NLRP5: variants seen among roughly 807,000 people sequenced by gnomAD.
The protein encoded by NLRP5 is NACHT, LRR and PYD domains-containing protein 5.
NLRP5 carries 93 observed loss-of-function variants against 113.1 expected under a neutral mutation model. The observed-to-expected ratio is 0.82, with a 90% CI of 0.70 to 0.98. NLRP5 has a LOEUF of 0.98. NLRP5 is among the 50% of genes least tolerant of loss of function. NLRP5 has a pLI of 0.00. For missense variants in NLRP5, 1,808 were observed against 1,514.3 expected (o/e 1.19, Z -3.22); for synonymous variants, 751 against 600.7 (o/e 1.25, Z -3.66).
At chr19:56,034,719 C>T (rs1482738717) in intron 9 of NLRP5, among the ~76,000 whole-genome samples, 2 of 152,090 alleles carry the variant, frequency 1.3e-5, no homozygotes, top group African/African-American at 4.8e-5. Context: ...TGAGATCCAC[C>T]CAAGCAGTCA....
chr19:56,043,877 T>A (rs1359357259), intron 11 of NLRP5, among the ~76,000 whole-genome samples: 2 of 150,740 alleles, frequency 1.3e-5, no homozygotes, highest in Non-Finnish European at 3.0e-5. Context: ...ACGCCTGGCC[T>A]CTGCTGACTA....
At chr19:56,009,358 A>AAAAAAAAAAAAAAAAAAAAG (rs1271381720) in intron 3 of NLRP5, among the ~76,000 whole-genome samples, 2 of 149,974 alleles carry the variant, frequency 1.3e-5, no homozygotes, top group African/African-American at 4.9e-5. Context: ...AAAAAAAAAA[A>AAAAAAAAAAAAAAAAAAAAG]AGAGTTCTGT....
chr19:56,057,344 A>G (rs140173856), intron 13 of NLRP5, among the ~76,000 whole-genome samples: 14 of 152,210 alleles, frequency 9.2e-5, no homozygotes, highest in East Asian at 3.9e-4. Context: ...ATTATATTCA[A>G]TGAGGTCCCT....
At chr19:56,020,998 C>T (rs529698625) in intron 6 of NLRP5, among the ~76,000 whole-genome samples, 25 of 151,846 alleles carry the variant, frequency 1.6e-4, no homozygotes, top group African/African-American at 4.6e-4. Context: ...CTCAGCCTCC[C>T]GAGTAGCTGG....
intron 11 of NLRP5, among the ~76,000 whole-genome samples, chr19:56,044,253 G>A (rs185074771): frequency 1.4e-4 from 21 of 151,690 alleles, no homozygotes; most frequent in Admixed American, 5.2e-4. Context: ...TAGTAGAGAC[G>A]GGGTTTCACT....
At chr19:56,008,150 G>C (rs1190799563) in intron 2 of NLRP5, among the ~76,000 whole-genome samples, 1 of 151,244 alleles carries the variant, frequency 6.6e-6, no homozygotes, top group Non-Finnish European at 1.5e-5. Flanking sequence ...GGATGGTCTC[G>C]ATCTCCTGAC....
intron 12 of NLRP5, 70 bp downstream of exon 12, chr19:56,050,658 T>C: frequency 2.7e-6 from 4 of 1,483,960 alleles, no homozygotes; most frequent in Non-Finnish European, 3.7e-6. Flanking sequence ...GGTCAAGAGA[T>C]AGGAGCAGGG....
At chr19:56,032,206 A>G (rs1202099176) in intron 7 of NLRP5, among the ~76,000 whole-genome samples, 1 of 150,974 alleles carries the variant, frequency 6.6e-6, no homozygotes, top group African/African-American at 2.4e-5. Context: ...TTAGCTGTGC[A>G]TGATGGCATG....
At chr19:56,002,752 G>A (rs202221958) in intron 1 of NLRP5, among the ~76,000 whole-genome samples, 1 of 146,986 alleles carries the variant, frequency 6.8e-6, no homozygotes, top group East Asian at 2.0e-4. Flanking sequence ...TGCTGAGAAT[G>A]ATGGTTTCCA....
intron 3 of NLRP5, among the ~76,000 whole-genome samples, chr19:56,012,576 CAAAA>C (rs11312971): frequency 6.1e-5 from 9 of 146,908 alleles, no homozygotes; most frequent in South Asian, 2.1e-4. Flanking sequence ...TTCCATAACC[CAAAA>C]AAAAAAAAAA....
intron 1 of NLRP5, among the ~76,000 whole-genome samples, chr19:56,001,439 C>A (rs955367398): frequency 5.9e-5 from 2 of 33,718 alleles, no homozygotes; most frequent in Non-Finnish European, 1.3e-4. Context: ...TCTTCTGACT[C>A]TCCTAATTAC....
intron 1 of NLRP5, among the ~76,000 whole-genome samples, chr19:56,000,668 C>A (rs981350855): frequency 6.6e-6 from 1 of 151,856 alleles, no homozygotes; most frequent in African/African-American, 2.4e-5. Context: ...TCAGCCACCT[C>A]ATCTTGTAAA....
chr19:56,027,309 T>A lies in NLRP5; in HGVS notation c.1076T>A (p.Phe359Tyr). 6.2e-7 allele frequency: 1 copy of A among 1,612,342 alleles called. No homozygotes were observed. Among genetic ancestry groups the A allele is most frequent in the Non-Finnish European group, 8.5e-7 (1 of 1,179,868 alleles). Reference sequence around the variant, plus strand: ...ATGTCCCGACCAGAAAGGCTGTTGTTCATCATTGACGGTTTCGATGACCTG... The same window carrying A: ...ATGTCCCGACCAGAAAGGCTGTTGTACATCATTGACGGTTTCGATGACCTG... Residue 359 changes from phenylalanine (F) to tyrosine (Y), a missense_variant, in exon 7 of 15, where the codon TTC (phenylalanine) becomes TAC (tyrosine). By Grantham distance (22) the Phe-to-Tyr change is conservative (BLOSUM62 3). Coordinates refer to ENST00000390649, the MANE Select transcript of NLRP5 (RefSeq NM_153447.4).
chr19:56,027,547 C>G lies in NLRP5; in HGVS notation c.1314C>G (p.Ile438Met). 5 of 1,614,010 alleles carry G rather than the reference C, an allele frequency of 3.1e-6. No homozygotes were observed. The highest frequency in any genetic ancestry group is 1.7e-5 in the Admixed American group (1 of 60,012). Reference sequence around the variant, plus strand: ...GAGGAATCTCCGGGGAACAAAGAATCCACTTGCTCCTTGAGCGCGGGATTG... The same window carrying G: ...GAGGAATCTCCGGGGAACAAAGAATGCACTTGCTCCTTGAGCGCGGGATTG... The change falls in exon 7 of 15, where the codon ATC becomes ATG. Residue 438 changes from isoleucine to methionine, a missense_variant. Ile to Met is a conservative substitution (Grantham distance 10). Transcript: ENST00000390649.
chr19:55,987,847 C>T, the NLRP5 span: 1 of 1,614,066 alleles, frequency 6.2e-7, no homozygotes, highest in Non-Finnish European at 8.5e-7. Context: ...TAACTAGCTT[C>T]TCCCCAACTC....
At chr19:55,992,114 G>A in the NLRP5 span, among the ~76,000 whole-genome samples, 1 of 152,134 alleles carries the variant, frequency 6.6e-6, no homozygotes, top group Non-Finnish European at 1.5e-5. Flanking sequence ...GTGAGAACAT[G>A]TGGTAGTTGG....
Position 56,061,454 on chromosome 19 carries a change from C to T in NLRP5, c.3529C>T (p.Leu1177Phe), listed in dbSNP as rs1984349319. ...GAAGCTGCTGGAGGAAGTGCAGCTACTCAAGCCCCGAGTCGTAATTGACGG... is the reference window on the plus strand; with the variant it reads ...GAAGCTGCTGGAGGAAGTGCAGCTATTCAAGCCCCGAGTCGTAATTGACGG... The change falls in exon 15 of 15, where the codon CTC (leucine) becomes TTC (phenylalanine). Residue 1177 changes from leucine (L) to phenylalanine (F), a missense_variant. Transcript: ENST00000390649. 1.9e-6 allele frequency: 3 copies of T among 1,614,020 alleles called. No individual in the cohort carries two copies. The highest frequency in any genetic ancestry group is 2.2e-5 in the South Asian group (2 of 91,084).
chr19:56,020,512 G>T, intron 6 of NLRP5, 81 bp downstream of exon 6: 1 of 1,455,212 alleles, frequency 6.9e-7, no homozygotes, highest in Non-Finnish European at 9.5e-7. Context: ...TAGATTTCAA[G>T]GGTATGTAGT....
At chr19:56,007,904 C>CGCGTGTGTGT (rs377205469) in intron 2 of NLRP5, among the ~76,000 whole-genome samples, 1 of 110,072 alleles carries the variant, frequency 9.1e-6, no homozygotes, top group Non-Finnish European at 2.0e-5. Context: ...TGCGCGCGTG[C>CGCGTGTGTGT]GTGTGTGTGT....
Sources: gnomAD v4.1 joint callset for allele counts (sites outside exome capture counted in the v4.1 genomes callset) on GRCh38, gnomAD v4.1.1 for gene constraint, MANE v1.5 for transcripts, NCBI Gene and HGNC (gene_info 2026-07-23, HGNC 2026-07-21) for gene names.